PPP1R9A: variants seen among roughly 807,000 people sequenced by gnomAD.
PPP1R9A encodes the protein neurabin-1.
In PPP1R9A, 59 loss-of-function variants were observed where a neutral mutation model predicts 141.9. The ratio of observed to expected loss-of-function variants is 0.42; its 90% CI spans 0.34 to 0.52. PPP1R9A has a LOEUF of 0.52. Among genes scored for constraint, PPP1R9A ranks in the 20% least tolerant of loss-of-function variants. The pLI is 0.10. For missense variants in PPP1R9A, 1,444 were observed against 1,611.9 expected (o/e 0.90, Z 1.78); for synonymous variants, 500 against 569.7 (o/e 0.88, Z 1.74).
chr7:94,927,007 A>T (rs1222906077), intron 2 of PPP1R9A, among the ~76,000 whole-genome samples: 1 of 152,212 alleles, frequency 6.6e-6, no homozygotes, highest in African/African-American at 2.4e-5. Flanking sequence ...GACAGTTGTT[A>T]TTAAGCTGAA....
rs774273958 is a variant in PPP1R9A at position 95,015,227 on chromosome 7, T to TATATATAC, written c.1396-96031_1396-96030insTATATACA. On this transcript the variant is annotated intron_variant, in intron 2 of 19. Coordinates refer to ENST00000433360, the MANE Select transcript of PPP1R9A (RefSeq NM_001166160.2). ...ATATGTACACACACGAATATATATA[T>TATATATAC]ACACACACACACACACACACATACA... Among the ~76,000 whole-genome samples the TATATATAC allele has an allele frequency of 7.4e-3, 1,099 of 149,082 alleles. 7 individuals are homozygous for TATATATAC. Among genetic ancestry groups the TATATATAC allele is most frequent in the African/African-American group, 0.018 (756 of 40,922 alleles).
intron 2 of PPP1R9A, among the ~76,000 whole-genome samples, chr7:95,049,850 G>A (rs986902873): frequency 6.6e-6 from 1 of 152,094 alleles, no homozygotes; most frequent in Non-Finnish European, 1.5e-5. Flanking sequence ...TGGCTTGATA[G>A]ATCATTTCTT....
chr7:95,054,888 A>C (rs1225396375), intron 2 of PPP1R9A, among the ~76,000 whole-genome samples: 1 of 152,214 alleles, frequency 6.6e-6, no homozygotes, highest in Non-Finnish European at 1.5e-5. Context: ...TCCAGTGCTT[A>C]GCACAGGGCC....
At chr7:95,140,845 C>T (rs1826541734) in intron 4 of PPP1R9A, among the ~76,000 whole-genome samples, 1 of 152,184 alleles carries the variant, frequency 6.6e-6, no homozygotes, top group African/African-American at 2.4e-5. Context: ...TCCAGAGTAA[C>T]TGGGACCACT....
intron 2 of PPP1R9A, among the ~76,000 whole-genome samples, chr7:94,979,786 A>G (rs1175979061): frequency 1.3e-5 from 2 of 152,216 alleles, no homozygotes; most frequent in African/African-American, 4.8e-5. Context: ...TCCTATGGCC[A>G]GTTATTTAAA....
chr7:95,040,030 G>A lies in PPP1R9A; in HGVS notation c.1396-71229G>A, dbSNP rs182622542. On this transcript the variant is annotated intron_variant, in intron 2 of 19. Coordinates refer to ENST00000433360, the MANE Select transcript of PPP1R9A (RefSeq NM_001166160.2). ...AAAGACGGAGAAGATCTTGAAATAA[G>A]AGAGACGGTGGAAGATACATCTATC... 6.4e-3 allele frequency among the ~76,000 whole-genome samples: 978 copies of A among 152,256 alleles called. 13 individuals carry two copies. Among genetic ancestry groups the A allele is most frequent in the African/African-American group, 0.022 (933 of 41,562 alleles).
chr7:95,149,791 A>T, intron 4 of PPP1R9A, among the ~76,000 whole-genome samples: 1 of 117,750 alleles, frequency 8.5e-6, no homozygotes, highest in Non-Finnish European at 2.1e-5. Context: ...TACTTAATCT[A>T]AAGATTCAAT....
chr7:95,123,531 C>G (rs1823005107), intron 4 of PPP1R9A, among the ~76,000 whole-genome samples: 1 of 152,174 alleles, frequency 6.6e-6, no homozygotes, highest in Admixed American at 6.5e-5. Context: ...CGCCTCTAAT[C>G]CCAGCTACCT....
At chr7:95,134,898 A>G (rs1825362593) in intron 4 of PPP1R9A, among the ~76,000 whole-genome samples, 1 of 152,132 alleles carries the variant, frequency 6.6e-6, no homozygotes, top group Non-Finnish European at 1.5e-5. Flanking sequence ...AGTCTTTGTG[A>G]GGGTCATATT....
intron 2 of PPP1R9A, among the ~76,000 whole-genome samples, chr7:95,092,933 T>G (rs1458204702): frequency 6.6e-6 from 1 of 152,228 alleles, no homozygotes; most frequent in Non-Finnish European, 1.5e-5. Context: ...TTGCTATAAT[T>G]GCTTTGTCTA....
chr7:95,173,745 G>C (rs918952214), intron 5 of PPP1R9A, among the ~76,000 whole-genome samples: 1 of 151,904 alleles, frequency 6.6e-6, no homozygotes, highest in Non-Finnish European at 1.5e-5. Context: ...CATCAAAGTA[G>C]ATATACCATT....
At chr7:95,125,740 T>A (rs1823446680) in intron 4 of PPP1R9A, among the ~76,000 whole-genome samples, 1 of 152,234 alleles carries the variant, frequency 6.6e-6, no homozygotes, top group Admixed American at 6.5e-5. Context: ...ACTGTCCTTT[T>A]CAATTTTATT....
intron 5 of PPP1R9A, among the ~76,000 whole-genome samples, chr7:95,170,943 A>T (rs561580078): frequency 9.2e-5 from 14 of 151,748 alleles, no homozygotes; most frequent in Middle Eastern, 3.4e-3. Flanking sequence ...GGTTTTTATG[A>T]CAACATGGAA....
chr7:95,054,114 G>GT (rs368824046), intron 2 of PPP1R9A, among the ~76,000 whole-genome samples: 13,136 of 132,646 alleles, frequency 0.099, 999 homozygotes, highest in East Asian at 0.2. Flanking sequence ...TCCCCACTGT[G>GT]TTTTTTTTTT....
At chr7:95,114,193 G>T (rs1178283342) in intron 3 of PPP1R9A, among the ~76,000 whole-genome samples, 2 of 152,086 alleles carry the variant, frequency 1.3e-5, no homozygotes, top group Admixed American at 6.6e-5. Flanking sequence ...CGAAAATGGA[G>T]GTGCCACACT....
At chr7:95,182,170 A>AT in intron 5 of PPP1R9A, among the ~76,000 whole-genome samples, 1 of 152,050 alleles carries the variant, frequency 6.6e-6, no homozygotes, top group South Asian at 2.1e-4. Flanking sequence ...AAACTGAAAA[A>AT]TAAAAAAATA....
intron 2 of PPP1R9A, among the ~76,000 whole-genome samples, chr7:95,070,593 G>GTATATA (rs71961632): frequency 0.063 from 7,040 of 111,576 alleles, 536 homozygotes; most frequent in Admixed American, 0.14. Flanking sequence ...TAAATCTCTG[G>GTATATA]TATATATATA....
At chr7:95,015,358 A>C (rs917074168) in intron 2 of PPP1R9A, among the ~76,000 whole-genome samples, 1 of 152,132 alleles carries the variant, frequency 6.6e-6, no homozygotes, top group African/African-American at 2.4e-5. Flanking sequence ...TAATGTCTAC[A>C]CAGAATGATA....
At chr7:95,115,579 A>G (rs922769962) in intron 3 of PPP1R9A, among the ~76,000 whole-genome samples, 2 of 152,174 alleles carry the variant, frequency 1.3e-5, no homozygotes, top group Non-Finnish European at 1.5e-5. Context: ...TTGTGAATAT[A>G]TATTTTAAAA....
Sources: gnomAD v4.1 joint callset for allele counts (sites outside exome capture counted in the v4.1 genomes callset) on GRCh38, gnomAD v4.1.1 for gene constraint, MANE v1.5 for transcripts, NCBI Gene and HGNC (gene_info 2026-07-23, HGNC 2026-07-21) for gene names.